RABGAP1L: variants seen among roughly 807,000 people sequenced by gnomAD.
RABGAP1L encodes the protein RAB GTPase activating protein 1 like.
In RABGAP1L, 63 loss-of-function variants were observed where a neutral mutation model predicts 137.7. The observed-to-expected ratio is 0.46, with a 90% CI of 0.37 to 0.56. The LOEUF is 0.56. Among genes scored for constraint, RABGAP1L ranks in the 20% least tolerant of loss-of-function variants. The pLI, the probability that RABGAP1L is intolerant of heterozygous loss-of-function variation, is 0.00. For synonymous variants in RABGAP1L, 431 were observed against 433.7 expected (o/e 0.99, Z 0.08); for missense variants, 1,095 against 1,244.0 (o/e 0.88, Z 1.80).
intron 12 of RABGAP1L, among the ~76,000 whole-genome samples, chr1:174,389,584 G>T (rs931594450): frequency 2.6e-5 from 4 of 152,042 alleles, no homozygotes; most frequent in African/African-American, 9.7e-5. Context: ...CACTAGATGA[G>T]TCCATGACAT....
At chr1:174,928,657 C>T (rs768154192) in intron 19 of RABGAP1L, among the ~76,000 whole-genome samples, 1 of 152,054 alleles carries the variant, frequency 6.6e-6, no homozygotes, top group Non-Finnish European at 1.5e-5. Flanking sequence ...GGAAAAGATT[C>T]CCTGACCTGC....
In RABGAP1L at chr1:174,826,046, T is replaced by C. The variant is rs1368041163; in HGVS notation, c.2340+14086T>C. Among the ~76,000 whole-genome samples, 4 of 152,188 alleles carry C rather than the reference T, an allele frequency of 2.6e-5. No individual in the cohort carries two copies. The East Asian group carries it at 7.7e-4, about 29-fold the overall frequency. ...GGTGGTTTTTCAGCTCTTGGCTACT[T>C]CCTGCCTCCCTCAAATAGTCCTGAG... On this transcript the variant is annotated intron_variant, in intron 19 of 25. Coordinates refer to ENST00000681986, the MANE Select transcript of RABGAP1L (RefSeq NM_001366446.1).
chr1:174,202,319 CCTGA>C (rs895473421), intron 1 of RABGAP1L, among the ~76,000 whole-genome samples: 1 of 152,056 alleles, frequency 6.6e-6, no homozygotes, highest in Non-Finnish European at 1.5e-5. Context: ...CCTGTTGTTT[CCTGA>C]CTTTTTAATG....
chr1:174,666,717 T>A (rs1270192533), intron 14 of RABGAP1L, among the ~76,000 whole-genome samples: 1 of 152,160 alleles, frequency 6.6e-6, no homozygotes, highest in Non-Finnish European at 1.5e-5. Context: ...ATGTTGCCCA[T>A]TCCTGGGACA....
At chr1:174,166,227 A>C (rs1009130521) in intron 1 of RABGAP1L, among the ~76,000 whole-genome samples, 1 of 150,632 alleles carries the variant, frequency 6.6e-6, no homozygotes, top group African/African-American at 2.4e-5. Context: ...AAGGAGAGAC[A>C]GTGTTTTTTT....
At chr1:174,889,551 G>C (rs1284954728) in intron 19 of RABGAP1L, among the ~76,000 whole-genome samples, 2 of 151,988 alleles carry the variant, frequency 1.3e-5, no homozygotes, top group East Asian at 1.9e-4. Flanking sequence ...CTCTCAAGTA[G>C]TTGGGATTAT....
At chr1:174,945,723 CAGAA>C (rs915149427) in intron 19 of RABGAP1L, 1 of 152,080 alleles carries the variant, frequency 6.6e-6, no homozygotes. Context: ...GCAGTGGGAA[CAGAA>C]AGAAACAAGG....
chr1:174,518,517 A>G (rs1055037588), intron 13 of RABGAP1L, among the ~76,000 whole-genome samples: 9 of 152,016 alleles, frequency 5.9e-5, no homozygotes, highest in African/African-American at 2.2e-4. Flanking sequence ...TTTTTCCTGA[A>G]TATTTTCAAT....
At chr1:174,548,526 G>GT in intron 13 of RABGAP1L, 2 of 962,992 alleles carry the variant, frequency 2.1e-6, no homozygotes, top group Non-Finnish European at 2.5e-6. Context: ...AAATTATTCT[G>GT]TAAGTTTTTC....
rs190367102 is a variant in RABGAP1L, at chr1:174,534,605, C to T, written c.1711-102770C>T. Among the ~76,000 whole-genome samples the T allele has an allele frequency of 4.6e-5, 7 of 151,458 alleles. No individual in the cohort carries two copies. In the East Asian group the frequency reaches 1.2e-3, roughly 25 times the overall value. ...TGGCCTGGCCAACATGGTGAAACCC[C>T]GTCTCTACTAAATACAAAAATTAGC... On this transcript the variant is annotated intron_variant, in intron 13 of 25. Transcript: ENST00000681986.
At chr1:174,863,621 C>T (rs1452706103) in intron 19 of RABGAP1L, among the ~76,000 whole-genome samples, 4 of 148,636 alleles carry the variant, frequency 2.7e-5, no homozygotes, top group Non-Finnish European at 4.4e-5. Flanking sequence ...TGCAGTGAGC[C>T]GAGATCATGC....
chr1:174,498,846 C>A (rs1208142114), intron 13 of RABGAP1L, among the ~76,000 whole-genome samples: 2 of 151,464 alleles, frequency 1.3e-5, no homozygotes, highest in African/African-American at 4.9e-5. Context: ...TTTAGCATTA[C>A]TTTCTCCTCA....
chr1:174,535,991 A>G (rs1401535181), intron 13 of RABGAP1L, among the ~76,000 whole-genome samples: 1 of 152,166 alleles, frequency 6.6e-6, no homozygotes, highest in Non-Finnish European at 1.5e-5. Context: ...GATTTGTGAA[A>G]TGAATGTGAT....
intron 19 of RABGAP1L, among the ~76,000 whole-genome samples, chr1:174,861,335 CT>C (rs1425896627): frequency 6.6e-6 from 1 of 151,896 alleles, no homozygotes; most frequent in African/African-American, 2.4e-5. Flanking sequence ...TATATACCAC[CT>C]TTTTTGTATC....
At chr1:174,547,235 C>G (rs1031714053) in intron 13 of RABGAP1L, among the ~76,000 whole-genome samples, 1 of 151,958 alleles carries the variant, frequency 6.6e-6, no homozygotes, top group Admixed American at 6.6e-5. Flanking sequence ...TTATAGTAGC[C>G]TTTTCCTGCT....
At chr1:174,987,045 T>C (rs989636115) in intron 24 of RABGAP1L, among the ~76,000 whole-genome samples, 1 of 152,198 alleles carries the variant, frequency 6.6e-6, no homozygotes, top group African/African-American at 2.4e-5. Context: ...GTCTAATTAA[T>C]ATTAATGAAA....
chr1:174,163,768 G>T (rs1379174719), intron 1 of RABGAP1L, among the ~76,000 whole-genome samples: 1 of 146,236 alleles, frequency 6.8e-6, no homozygotes, highest in Non-Finnish European at 1.5e-5. Flanking sequence ...AAATAAGACA[G>T]TTTTTTTTTT....
intron 13 of RABGAP1L, among the ~76,000 whole-genome samples, chr1:174,558,072 C>A (rs1277655560): frequency 6.6e-6 from 1 of 152,224 alleles, no homozygotes; most frequent in Non-Finnish European, 1.5e-5. Flanking sequence ...ATAAGGAAAA[C>A]ATTCTCCTTT....
Position 174,990,211 on chromosome 1 carries a change from T to A in RABGAP1L, c.*210T>A. 1 of 502,892 alleles carries A rather than the reference T, an allele frequency of 2.0e-6. No individual in the cohort carries two copies. The highest frequency in any genetic ancestry group is 3.1e-6 in the Non-Finnish European group (1 of 321,688). 31.2% of individuals were successfully genotyped at this position (502,892 alleles called of 1,614,324 possible). On this transcript the variant is annotated 3_prime_UTR_variant, in exon 26 of 26. Coordinates refer to ENST00000681986, the MANE Select transcript of RABGAP1L (RefSeq NM_001366446.1). ...TGTTGAATACCTATTTTCCAGCTTC[T>A]GGAAGGCCATGTTCAGATCCATCAT...
Sources: allele counts gnomAD v4.1 joint callset (sites outside exome capture counted in the v4.1 genomes callset), GRCh38; gene constraint gnomAD v4.1.1; transcripts MANE v1.5; gene names NCBI Gene and HGNC (gene_info 2026-07-23, HGNC 2026-07-21).